RTN2: variants seen among roughly 807,000 people sequenced by gnomAD.
RTN2 encodes the protein reticulon 2, also known as reticulon-2.
In RTN2, 36 loss-of-function variants were observed where a neutral mutation model predicts 63.7. The observed-to-expected ratio is 0.56, with a 90% confidence interval of 0.43 to 0.75. RTN2 has a LOEUF of 0.75. Among genes scored for constraint, RTN2 ranks in the 30% least tolerant of loss-of-function variants. The pLI, the probability that RTN2 is intolerant of heterozygous loss-of-function variation, is 0.00. For synonymous variants in RTN2, 312 were observed against 313.0 expected, an observed-to-expected ratio of 1.00 and a Z score of 0.03; for missense variants, 673 against 705.1, an observed-to-expected ratio of 0.95 and a Z score of 0.52.
chr19:45,495,333 A>G (rs1486307235), intron 1 of RTN2, 194 bp from the exon 2 acceptor site: 14 of 642,878 alleles, frequency 2.2e-5, no homozygotes, highest in South Asian at 5.9e-5. Context: ...TCTTAATCTT[A>G]GAGTCTTCAA....
rs1052244215 is a variant in RTN2 at position 45,485,620 on chromosome 19, G to A, written c.*88C>T. 8.5e-6 allele frequency: 9 copies of A among 1,063,386 alleles called. No individual in the cohort carries two copies. The highest frequency in any genetic ancestry group is 1.6e-5 in the African/African-American group (1 of 64,496). The allele number at this position is 1,063,386 out of a possible 1,614,324, so 65.9% of individuals were successfully genotyped here. Reference sequence around the variant, plus strand: ...CCGGGAAAAGGCTCGGGCCGAGGAGGGGGGTGGGTGGGAACGGACAAGAGA... The same window carrying A: ...CCGGGAAAAGGCTCGGGCCGAGGAGAGGGGTGGGTGGGAACGGACAAGAGA... On this transcript the variant is annotated 3_prime_UTR_variant, in exon 11 of 11. Transcript: ENST00000245923.
At position 45,488,817 on chromosome 19, in the gene RTN2, A is replaced by G. The variant is rs3745822; in HGVS notation, c.1380+31T>C. 6.0e-3 allele frequency: 9,560 copies of G among 1,597,320 alleles called. 549 individuals are homozygous for G. In the Admixed American group the frequency reaches 0.12, roughly 20 times the overall value. ...CTAGCCATGCAGAGGTGAATGGGGG[A>G]ACCCAGGAGGGGCTGAGAGCTCCAG... On this transcript the variant is annotated intron_variant, in intron 7 of 10. Coordinates refer to ENST00000245923, the MANE Select transcript of RTN2 (RefSeq NM_005619.5).
In RTN2 at chr19:45,494,639, C is replaced by A. The variant is rs750521507; in HGVS notation, c.446G>T (p.Trp149Leu). The change falls in exon 3 of 11, where the codon TGG becomes TTG. Residue 149 changes from tryptophan (W) to leucine (L), a missense_variant. Coordinates refer to ENST00000245923, the MANE Select transcript of RTN2 (RefSeq NM_005619.5). This position sits in a 1 kb window ranked among gnomAD's most constrained non-coding sequence, Gnocchi z 5.3. ...CCCGGATCCCGTTCCCCGGGCCACC[C>A]AGCCCAGATGGTCCAACCGAAGCCT... The part of the protein sequence containing the change: ...DLRLRLDHLG[W>L]VARGTGSGED... 4 of 1,613,982 alleles carry A rather than the reference C, an allele frequency of 2.5e-6. No individual in the cohort carries two copies. The highest frequency in any genetic ancestry group is 2.5e-6 in the Non-Finnish European group (3 of 1,180,034).
In RTN2 at chr19:45,493,248, A is replaced by C. The variant is rs758270638; in HGVS notation, c.945T>G (p.Pro315=). 1.6e-5 allele frequency: 26 copies of C among 1,613,632 alleles called. No homozygotes were observed. Among genetic ancestry groups the C allele is most frequent in the Non-Finnish European group, 2.2e-5 (26 of 1,179,972 alleles). The change falls in exon 5 of 11, where the codon CCT becomes CCG. Residue 315 remains proline, a synonymous_variant. Transcript: ENST00000245923. The part of the protein sequence containing the change: ...WVQRGPTPPT[P]VLRVLLKWAK... ...CCCACTTCAGTAGAACCCGGAGGAC[A>C]GGAGTAGGGGGGGTGGGGCCCCTTT...
At position 45,494,069 on chromosome 19, in the gene RTN2, T is replaced by C. The variant is rs534606230; in HGVS notation, c.814+97A>G. On this transcript the variant is annotated intron_variant, in intron 4 of 10. Transcript: ENST00000245923. This position sits in a 1 kb window ranked among gnomAD's most constrained non-coding sequence, Gnocchi z 5.3. The stretch of plus-strand genomic sequence containing the variant: ...CGTCTATCTCTTCCCTTTTCCACTA[T>C]GTACTGTTCCTTTGCGAGGTTGGTC... The C allele has an allele frequency of 4.0e-6, 6 of 1,498,986 alleles. No individual in the cohort carries two copies. The highest frequency in any genetic ancestry group is 9.0e-7 in the Non-Finnish European group (1 of 1,112,958). The allele number at this position is 1,498,986 out of a possible 1,614,324, so 92.9% of individuals were successfully genotyped here.
intron 1 of RTN2, among the ~76,000 whole-genome samples, chr19:45,496,020 C>A (rs746941550): frequency 6.6e-6 from 1 of 152,168 alleles, no homozygotes; most frequent in Non-Finnish European, 1.5e-5. Flanking sequence ...GCTGTCAGAA[C>A]CCCCATGTGT....
chr19:45,486,062 T>C lies in RTN2; in HGVS notation c.1549A>G (p.Lys517Glu). ...GLVTNQLSHI[K>E]AKIRAKIPGT... ...TCCGCCCCATGCTCTTACTTAGCTT[T>C]GATGTGGCTCAACTGATTGGTCACC... Residue 517 changes from lysine (K) to glutamate (E), a missense_variant, in exon 10 of 11, where the codon AAA (lysine) becomes GAA (glutamate). Lys to Glu is a moderately conservative substitution (Grantham distance 56). Coordinates refer to ENST00000245923, the MANE Select transcript of RTN2 (RefSeq NM_005619.5). 6.2e-7 allele frequency: 1 copy of C among 1,614,124 alleles called. No homozygotes were observed. The highest frequency in any genetic ancestry group is 8.5e-7 in the Non-Finnish European group (1 of 1,180,012).
chr19:45,496,309 C>A (rs371520409), intron 1 of RTN2, among the ~76,000 whole-genome samples: 12 of 152,240 alleles, frequency 7.9e-5, no homozygotes, highest in African/African-American at 2.9e-4. Context: ...GCCCCCAAAC[C>A]ACGGATGGCT....
In RTN2 at chr19:45,485,571, T is replaced by C. The variant is rs971419840; in HGVS notation, c.*137A>G. ...GCTCAGGTAATTAGCGCAGAGTCCC[T>C]AGTGGGAGTGATCCTGACACCCACC... On this transcript the variant is annotated 3_prime_UTR_variant, in exon 11 of 11. Coordinates refer to ENST00000245923, the MANE Select transcript of RTN2 (RefSeq NM_005619.5). The C allele has an allele frequency of 7.2e-6, 5 of 695,016 alleles. No homozygotes were observed. The highest frequency in any genetic ancestry group is 1.3e-5 in the Non-Finnish European group (5 of 389,356). The allele number at this position is 695,016 out of a possible 1,614,324, so 43.1% of individuals were successfully genotyped here.
rs1599907633 is a variant in RTN2 at position 45,489,170 on chromosome 19, G to C, written c.1241+176C>G. ...GTCAGGGTCAGGGGAAGGGATCGAG[G>C]ATGAAGGGTACCAGGTTAGGATCAG... is the stretch of plus-strand genomic sequence containing the variant. On this transcript the variant is annotated intron_variant, in intron 6 of 10. Coordinates refer to ENST00000245923, the MANE Select transcript of RTN2 (RefSeq NM_005619.5). 18 of 868,812 alleles carry C rather than the reference G, an allele frequency of 2.1e-5. No homozygotes were observed. The South Asian group carries it at 2.6e-4, about 13-fold the overall frequency. 53.8% of individuals were successfully genotyped at this position (868,812 alleles called of 1,614,324 possible). A position where few individuals can be genotyped will look rare whatever the true frequency, so the allele number is the denominator to read the frequency against.
intron 9 of RTN2, among the ~76,000 whole-genome samples, chr19:45,486,808 C>T (rs1274107713): frequency 2.1e-5 from 3 of 143,918 alleles, no homozygotes; most frequent in African/African-American, 7.8e-5. Context: ...AATCTCAGCT[C>T]ACTGCCACCA....
At chr19:45,491,672 C>G (rs2122219518) in intron 5 of RTN2, among the ~76,000 whole-genome samples, 1 of 152,140 alleles carries the variant, frequency 6.6e-6, no homozygotes, top group South Asian at 2.1e-4. Flanking sequence ...GCTGGGACTA[C>G]AGGCGCCCGT....
rs755079258 is a variant in RTN2, at chr19:45,495,186, G to A, written c.35-47C>T. ...AGACTCTTAGAAGCTTAGACTGTCCGAATCACAGAAGTGTCCCAGTCCTGG... is the reference window on the plus strand; with the variant it reads ...AGACTCTTAGAAGCTTAGACTGTCCAAATCACAGAAGTGTCCCAGTCCTGG... On this transcript the variant is annotated intron_variant, in intron 1 of 10. Transcript: ENST00000245923. The A allele has an allele frequency of 2.1e-5, 33 of 1,603,728 alleles. 1 individual carries two copies. The African/African-American group carries it at 2.7e-4, about 13-fold the overall frequency.
rs1967992353 is a variant in RTN2, at chr19:45,485,294, T to C, written c.*414A>G. 5.8e-6 allele frequency: 1 copy of C among 171,268 alleles called. No individual in the cohort carries two copies. The highest frequency in any genetic ancestry group is 2.4e-5 in the African/African-American group (1 of 41,830). 10.6% of individuals were successfully genotyped at this position (171,268 alleles called of 1,614,324 possible). On this transcript the variant is annotated 3_prime_UTR_variant, in exon 11 of 11. Transcript: ENST00000245923. Reference sequence around the variant, plus strand: ...TTCTGGAAGCACAAGAGGCCTCGGGTTTTCCACAGGAGTCTTTATTACAGT... The same window carrying C: ...TTCTGGAAGCACAAGAGGCCTCGGGCTTTCCACAGGAGTCTTTATTACAGT...
In RTN2 at chr19:45,485,605, G is replaced by T. The variant is rs549990311; in HGVS notation, c.*103C>A. The T allele has an allele frequency of 3.2e-6, 3 of 930,442 alleles. No homozygotes were observed. Among genetic ancestry groups the T allele is most frequent in the Admixed American group, 3.6e-5 (2 of 56,294 alleles). 57.6% of individuals were successfully genotyped at this position (930,442 alleles called of 1,614,324 possible). ...TGATCCTGACACCCACCGGGAAAAG[G>T]CTCGGGCCGAGGAGGGGGGTGGGTG... On this transcript the variant is annotated 3_prime_UTR_variant, in exon 11 of 11. Transcript: ENST00000245923.
chr19:45,496,111 A>C (rs1968263164), intron 1 of RTN2, among the ~76,000 whole-genome samples: 1 of 152,090 alleles, frequency 6.6e-6, no homozygotes, highest in Admixed American at 6.6e-5. Flanking sequence ...CTGGGAATCC[A>C]GCCCCTTAGA....
At position 45,485,574 on chromosome 19, in the gene RTN2, TG is replaced by T; in HGVS notation, c.*133del. On this transcript the variant is annotated 3_prime_UTR_variant, in exon 11 of 11. Coordinates refer to ENST00000245923, the MANE Select transcript of RTN2 (RefSeq NM_005619.5). Reference sequence around the variant, plus strand: ...CAGGTAATTAGCGCAGAGTCCCTAGTGGGAGTGATCCTGACACCCACCGGGA... The same window carrying T: ...CAGGTAATTAGCGCAGAGTCCCTAGTGGAGTGATCCTGACACCCACCGGGA... 1 of 701,206 alleles carries T rather than the reference TG, an allele frequency of 1.4e-6. No homozygotes were observed. Among genetic ancestry groups the T allele is most frequent in the South Asian group, 1.6e-5 (1 of 63,250 alleles). 43.4% of individuals were successfully genotyped at this position (701,206 alleles called of 1,614,324 possible). A position where few individuals can be genotyped will look rare whatever the true frequency, so the allele number is the denominator to read the frequency against.
chr19:45,488,807 T>G lies in RTN2; in HGVS notation c.1380+41A>C, dbSNP rs748424951. 4.4e-6 allele frequency: 7 copies of G among 1,594,922 alleles called. No individual in the cohort carries two copies. In the South Asian group the frequency reaches 7.9e-5, roughly 18 times the overall value. On this transcript the variant is annotated intron_variant, in intron 7 of 10. Transcript: ENST00000245923. ...CTCCCACCCCCTAGCCATGCAGAGG[T>G]GAATGGGGGAACCCAGGAGGGGCTG...
chr19:45,495,513 C>A (rs763566312), intron 1 of RTN2, among the ~76,000 whole-genome samples: 16 of 152,150 alleles, frequency 1.1e-4, no homozygotes, highest in Non-Finnish European at 1.2e-4. Context: ...AAACAATAAA[C>A]AAGTGAATAT....
Sources: gnomAD v4.1 joint callset for allele counts (sites outside exome capture counted in the v4.1 genomes callset) on GRCh38, gnomAD v4.1.1 for gene constraint, Gnocchi (gnomAD v3.1) non-coding constraint, MANE v1.5 for transcripts, NCBI Gene and HGNC (gene_info 2026-07-23, HGNC 2026-07-21) for gene names.